The following CA10 variants were observed in gnomAD, a reference collection of about 807,000 sequenced individuals.
CA10 encodes the protein carbonic anhydrase-related protein 10.
Under a neutral mutation model 44.2 loss-of-function variants are expected in CA10, and 14 were observed. The ratio of observed to expected loss-of-function variants is 0.32; its 90% CI spans 0.21 to 0.50. The LOEUF is 0.50. CA10 is among the 20% of genes least tolerant of loss of function. The pLI is 0.99. For missense variants in CA10, 350 were observed against 409.7 expected (o/e 0.85, Z 1.26); for synonymous variants, 159 against 141.6 (o/e 1.12, Z -0.87).
chr17:51,666,061 G>A (rs1311825397), intron 4 of CA10, among the ~76,000 whole-genome samples: 1 of 152,218 alleles, frequency 6.6e-6, no homozygotes, highest in Non-Finnish European at 1.5e-5. Flanking sequence ...ATCGTGCTTA[G>A]GTCAAATCAA....
intron 7 of CA10, 110 bp from the exon 8 acceptor site, chr17:51,633,760 A>G (rs1912701818): frequency 8.3e-7 from 1 of 1,204,802 alleles, no homozygotes; most frequent in Non-Finnish European, 1.2e-6. Context: ...CTGTATGAGG[A>G]AAGGGCTGTA....
chr17:51,928,177 T>C (rs1196797119), intron 3 of CA10, among the ~76,000 whole-genome samples: 1 of 152,204 alleles, frequency 6.6e-6, no homozygotes, highest in South Asian at 2.1e-4. Flanking sequence ...ATGTTTCATA[T>C]ACATTATGTC....
rs139387796 is a variant in CA10, at chr17:51,975,872, G to GA, written c.137-44741dup. Among the ~76,000 whole-genome samples the GA allele has an allele frequency of 9.1e-4, 89 of 98,110 alleles. 1 individual carries two copies. The highest frequency in any genetic ancestry group is 2.9e-3 in the South Asian group (8 of 2,798). 64.4% of individuals were successfully genotyped at this position (98,110 alleles called of 152,430 possible). ...GGTGACAGAGTTAGACTCTGTCTCGGAAAAAAAAAAAAAAAAAAAAAGCAA... is the reference window on the plus strand; with the variant it reads ...GGTGACAGAGTTAGACTCTGTCTCGGAAAAAAAAAAAAAAAAAAAAAAGCAA... On this transcript the variant is annotated intron_variant, in intron 2 of 8. Transcript: ENST00000451037.
intron 3 of CA10, among the ~76,000 whole-genome samples, chr17:51,754,541 C>T (rs1351611522): frequency 1.3e-5 from 2 of 150,632 alleles, no homozygotes; most frequent in African/African-American, 2.4e-5. Flanking sequence ...AGAGCTGATG[C>T]TGTAGTTTAC....
At chr17:51,926,344 T>G (rs1982428597) in intron 3 of CA10, among the ~76,000 whole-genome samples, 1 of 152,200 alleles carries the variant, frequency 6.6e-6, no homozygotes, top group Non-Finnish European at 1.5e-5. Context: ...CTGACTATAA[T>G]TTTACAAAAA....
chr17:52,139,093 C>T (rs1054877728), intron 1 of CA10, among the ~76,000 whole-genome samples: 6 of 152,164 alleles, frequency 3.9e-5, no homozygotes, highest in African/African-American at 7.2e-5. Flanking sequence ...TTATAATACC[C>T]GGTGTAGGGG....
chr17:52,117,966 A>G (rs2143305753), intron 1 of CA10, among the ~76,000 whole-genome samples: 1 of 152,332 alleles, frequency 6.6e-6, no homozygotes, highest in Admixed American at 6.5e-5. Context: ...TATGGTTTTA[A>G]TTCAAAAGGG....
intron 6 of CA10, among the ~76,000 whole-genome samples, chr17:51,640,880 A>T (rs561642457): frequency 6.6e-6 from 1 of 152,104 alleles, no homozygotes; most frequent in South Asian, 2.1e-4. Flanking sequence ...GGACCAATAT[A>T]CCAGAAGGGA....
At chr17:52,078,492 T>C (rs981056502) in intron 1 of CA10, among the ~76,000 whole-genome samples, 2 of 152,204 alleles carry the variant, frequency 1.3e-5, no homozygotes, top group African/African-American at 4.8e-5. Context: ...GTACATACAC[T>C]GCTATGGTTA....
Position 51,848,978 on chromosome 17 carries a change from C to A in CA10, c.279+82012G>T, listed in dbSNP as rs577761311. ...GGGGGACTTCTTGAGCCCAGGAGGCCGAGGATGCAGTGAGCTGTGTTTGTA... is the reference window on the plus strand; with the variant it reads ...GGGGGACTTCTTGAGCCCAGGAGGCAGAGGATGCAGTGAGCTGTGTTTGTA... On this transcript the variant is annotated intron_variant, in intron 3 of 8. Coordinates refer to ENST00000451037, the MANE Select transcript of CA10 (RefSeq NM_020178.5). Among the ~76,000 whole-genome samples, 9 of 151,288 alleles carry A rather than the reference C, an allele frequency of 5.9e-5. No individual in the cohort carries two copies. The South Asian group carries it at 1.9e-3, about 32-fold the overall frequency.
At chr17:52,005,558 GC>G (rs929588975) in intron 2 of CA10, among the ~76,000 whole-genome samples, 10 of 151,988 alleles carry the variant, frequency 6.6e-5, no homozygotes, top group African/African-American at 2.4e-4. Flanking sequence ...CATGAGTGTT[GC>G]ATACTGCCTG....
intron 6 of CA10, among the ~76,000 whole-genome samples, chr17:51,639,523 C>G (rs938801760): frequency 6.6e-6 from 1 of 152,014 alleles, no homozygotes; most frequent in Non-Finnish European, 1.5e-5. Context: ...TCCAAAACAC[C>G]GTAGTGCTGA....
intron 3 of CA10, among the ~76,000 whole-genome samples, chr17:51,890,364 T>C (rs1355922951): frequency 6.6e-6 from 1 of 152,200 alleles, no homozygotes; most frequent in African/African-American, 2.4e-5. Context: ...TAAGACTTGT[T>C]GCCATTTGCT....
At chr17:51,984,964 GA>G (rs1447291405) in intron 2 of CA10, among the ~76,000 whole-genome samples, 2 of 151,884 alleles carry the variant, frequency 1.3e-5, no homozygotes, top group African/African-American at 4.8e-5. Context: ...CAATCCTTCT[GA>G]CACTATTCTA....
At chr17:51,823,600 C>T (rs567056164) in intron 3 of CA10, among the ~76,000 whole-genome samples, 6 of 152,322 alleles carry the variant, frequency 3.9e-5, no homozygotes, top group Non-Finnish European at 8.8e-5. Context: ...ACTCCATTTT[C>T]CAGGTCTCAG....
intron 3 of CA10, among the ~76,000 whole-genome samples, chr17:51,838,486 A>G (rs1198668635): frequency 6.6e-6 from 1 of 152,256 alleles, no homozygotes; most frequent in East Asian, 1.9e-4. Flanking sequence ...AAATGTATGA[A>G]GTGGCTTGTG....
intron 4 of CA10, among the ~76,000 whole-genome samples, chr17:51,693,771 G>A (rs1053057002): frequency 4.6e-5 from 7 of 152,022 alleles, no homozygotes; most frequent in Admixed American, 6.6e-5. Context: ...GTTGATCCAC[G>A]TCTTTGTTAT....
chr17:51,776,519 T>G, intron 3 of CA10, among the ~76,000 whole-genome samples: 1 of 152,272 alleles, frequency 6.6e-6, no homozygotes, highest in East Asian at 1.9e-4. Context: ...AAAATAAAAA[T>G]TATTAATATT....
intron 3 of CA10, among the ~76,000 whole-genome samples, chr17:51,780,872 T>C (rs1393917238): frequency 6.6e-6 from 1 of 152,174 alleles, no homozygotes; most frequent in Non-Finnish European, 1.5e-5. Flanking sequence ...GAAGCAAAGA[T>C]CTTAGGATTT....
Sources: allele counts gnomAD v4.1 joint callset (sites outside exome capture counted in the v4.1 genomes callset), GRCh38; gene constraint gnomAD v4.1.1; transcripts MANE v1.5; gene names NCBI Gene and HGNC (gene_info 2026-07-23, HGNC 2026-07-21).